Variants in PSMG2 observed in about 807,000 individuals in gnomAD.
PSMG2 encodes the protein proteasome assembly chaperone 2.
In PSMG2, 21 loss-of-function variants were observed where a neutral mutation model predicts 31.5. The observed-to-expected ratio is 0.67, with a 90% CI of 0.47 to 0.96. The LOEUF (loss-of-function observed/expected upper bound fraction) is 0.96, where lower values mean the gene tolerates loss of function less well. Ranked by LOEUF, PSMG2 falls within the 40% of genes least tolerant of loss-of-function variation. The pLI, the probability that PSMG2 is intolerant of heterozygous loss-of-function variation, is 0.00. For synonymous variants in PSMG2, 120 were observed against 110.4 expected (o/e 1.09, Z -0.54); for missense variants, 318 against 321.2 (o/e 0.99, Z 0.08).
chr18:12,703,997 A>G (rs939226388), intron 1 of PSMG2, among the ~76,000 whole-genome samples: 7 of 152,168 alleles, frequency 4.6e-5, no homozygotes, highest in East Asian at 3.9e-4. Context: ...TGGAAAATGC[A>G]CTGTTTGGAG....
chr18:12,701,133 T>TA, upstream of PSMG2: 1 of 1,591,900 alleles, frequency 6.3e-7, no homozygotes, highest in South Asian at 1.1e-5. Flanking sequence ...AAACTCATAT[T>TA]ACAATTTATA....
At chr18:12,676,778 C>CT (rs2039150399) in intron 1 of PSMG2, among the ~76,000 whole-genome samples, 1 of 152,112 alleles carries the variant, frequency 6.6e-6, no homozygotes, top group South Asian at 2.1e-4. Context: ...TGTTTAAATG[C>CT]TTTGATAAGT....
chr18:12,710,258 G>A (rs904494101), intron 2 of PSMG2, among the ~76,000 whole-genome samples: 3 of 152,068 alleles, frequency 2.0e-5, no homozygotes, highest in African/African-American at 7.2e-5. Flanking sequence ...AAGCATCTGT[G>A]ATTTCACCAT....
intron 3 of PSMG2, among the ~76,000 whole-genome samples, chr18:12,713,166 T>C (rs1261818950): frequency 1.3e-5 from 2 of 152,196 alleles, no homozygotes; most frequent in African/African-American, 4.8e-5. Context: ...TGCAAACCAG[T>C]GTCATCTTCA....
At chr18:12,673,423 G>A (rs2038999997) in intron 1 of PSMG2, 2 of 1,605,262 alleles carry the variant, frequency 1.2e-6, no homozygotes, top group South Asian at 2.2e-5. Context: ...TGCAGATTCA[G>A]GGTAAGTAAA....
chr18:12,725,660 G>T lies in PSMG2; in HGVS notation c.*129G>T. On this transcript the variant is annotated 3_prime_UTR_variant, in exon 7 of 7. Transcript: ENST00000317615. ...TTCACAGTAAATATCAAAGAAAAAA[G>T]ATTAAGGGTCTCTTTGCCATGCTTT... is the stretch of plus-strand genomic sequence containing the variant. The T allele has an allele frequency of 5.4e-6, 3 of 552,416 alleles. No individual in the cohort carries two copies. The highest frequency in any genetic ancestry group is 3.0e-6 in the Non-Finnish European group (1 of 335,338). The allele number at this position is 552,416 out of a possible 1,614,324, so 34.2% of individuals were successfully genotyped here.
chr18:12,678,621 C>T (rs2039229528), intron 1 of PSMG2, among the ~76,000 whole-genome samples: 2 of 152,042 alleles, frequency 1.3e-5, no homozygotes, highest in South Asian at 4.1e-4. Flanking sequence ...TATGGTACGT[C>T]TTTACAATAT....
rs375925229 is a variant in PSMG2 at position 12,697,231 on chromosome 18, A to G, written c.-36-9319A>G. ...TATATTAATCACCATACCTACACCC[A>G]TAAGTTCCACAGTCAGACTGGTCAC... is the stretch of plus-strand genomic sequence containing the variant. On this transcript the variant is annotated intron_variant, in intron 1 of 6. Transcript: ENST00000585331. 7.5e-5 allele frequency: 121 copies of G among 1,612,218 alleles called. No homozygotes were observed. The highest frequency in any genetic ancestry group is 6.9e-4 in the African/African-American group (52 of 74,988).
chr18:12,695,225 CA>C, intron 1 of PSMG2: 9 of 1,042,170 alleles, frequency 8.6e-6, no homozygotes, highest in South Asian at 6.7e-5. Flanking sequence ...AACAAACACA[CA>C]AAAAAAGAGA....
intron 3 of PSMG2, among the ~76,000 whole-genome samples, chr18:12,715,089 A>G (rs934249826): frequency 6.6e-6 from 1 of 151,278 alleles, no homozygotes; most frequent in Admixed American, 6.6e-5. Context: ...GCTCACTGCA[A>G]CCTCTGCCTG....
At chr18:12,700,877 C>G (rs2040126453), upstream of PSMG2, 5 of 1,174,486 alleles carry the variant, frequency 4.3e-6, no homozygotes, top group Non-Finnish European at 6.0e-6. Flanking sequence ...ACGAAAGGCC[C>G]CACATCGGAA....
At chr18:12,678,694 T>C (rs1466197737) in intron 1 of PSMG2, among the ~76,000 whole-genome samples, 2 of 152,066 alleles carry the variant, frequency 1.3e-5, no homozygotes, top group Admixed American at 6.6e-5. Flanking sequence ...AAAGGCCGGA[T>C]GCGGTAGTCC....
chr18:12,702,897 C>A (rs929404508), upstream of PSMG2: 16 of 584,936 alleles, frequency 2.7e-5, no homozygotes, highest in African/African-American at 3.2e-4. Flanking sequence ...TCTCCGAAAG[C>A]GCTGCTGGCC....
intron 1 of PSMG2, among the ~76,000 whole-genome samples, chr18:12,705,673 A>G (rs2040261303): frequency 6.6e-6 from 1 of 152,050 alleles, no homozygotes; most frequent in African/African-American, 2.4e-5. Context: ...AATGGTAAGC[A>G]GACCCAAGAG....
chr18:12,706,143 T>C (rs1005314066), intron 1 of PSMG2, among the ~76,000 whole-genome samples: 2 of 152,254 alleles, frequency 1.3e-5, no homozygotes, highest in African/African-American at 2.4e-5. Context: ...CTTTCAGTAC[T>C]AATATAACTA....
chr18:12,697,161 A>C, intron 1 of PSMG2: 1 of 1,187,514 alleles, frequency 8.4e-7, no homozygotes, highest in Non-Finnish European at 1.2e-6. Context: ...AAAGATATAA[A>C]ATATATTTAC....
At chr18:12,664,794 G>T (rs2038771860) in intron 1 of PSMG2, among the ~76,000 whole-genome samples, 1 of 151,336 alleles carries the variant, frequency 6.6e-6, no homozygotes, top group African/African-American at 2.4e-5. Context: ...TGCCTCCCAG[G>T]TTCAAGTGAT....
At position 12,686,335 on chromosome 18, in the gene PSMG2, C is replaced by T. The variant is rs1598638123; in HGVS notation, c.-36-20215C>T. ...ACCTCCTCCTCCAATAACAGGGGCTCGTTCATAACCAAGGACATTAACAAA... is the reference window on the plus strand; with the variant it reads ...ACCTCCTCCTCCAATAACAGGGGCTTGTTCATAACCAAGGACATTAACAAA... On this transcript the variant is annotated intron_variant, in intron 1 of 6. Transcript: ENST00000585331. The T allele has an allele frequency of 5.0e-6, 8 of 1,614,000 alleles. No individual in the cohort carries two copies. Among genetic ancestry groups the T allele is most frequent in the Non-Finnish European group, 6.8e-6 (8 of 1,179,976 alleles).
upstream of PSMG2, among the ~76,000 whole-genome samples, chr18:12,698,177 A>G (rs2040024248): frequency 6.6e-6 from 1 of 151,108 alleles, no homozygotes; most frequent in African/African-American, 2.4e-5. Context: ...TTTATTTGTA[A>G]GTATTTATAA....
Sources: allele counts gnomAD v4.1 joint callset (sites outside exome capture counted in the v4.1 genomes callset), GRCh38; gene constraint gnomAD v4.1.1; transcripts MANE v1.5; gene names NCBI Gene and HGNC (gene_info 2026-07-23, HGNC 2026-07-21).